CACTIN: variants seen among roughly 807,000 people sequenced by gnomAD.
CACTIN encodes splicing factor Cactin.
In CACTIN, 20 loss-of-function variants were observed where a neutral mutation model predicts 84.9. The ratio of observed to expected loss-of-function variants is 0.24; its 90% CI spans 0.17 to 0.34. The LOEUF (loss-of-function observed/expected upper bound fraction) is 0.34. Among genes scored for constraint, CACTIN ranks in the 10% least tolerant of loss-of-function variants. The pLI is 1.00. For missense variants in CACTIN, 897 were observed against 1,117.2 expected, an observed-to-expected ratio of 0.80 and a Z score of 2.81; for synonymous variants, 549 against 467.9, an observed-to-expected ratio of 1.17 and a Z score of -2.24.
At chr19:3,618,058 A>G (rs2033141821) in intron 6 of CACTIN, among the ~76,000 whole-genome samples, 1 of 151,998 alleles carries the variant, frequency 6.6e-6, no homozygotes, top group Admixed American at 6.6e-5. Context: ...AGGGCAGGGG[A>G]AGGACCGGGT....
rs1349222610 is a variant in CACTIN at position 3,610,712 on chromosome 19, A to G, written c.*1211T>C. The G allele has an allele frequency of 2.2e-6, 1 of 456,934 alleles. No individual in the cohort carries two copies. The highest frequency in any genetic ancestry group is 4.4e-6 in the Non-Finnish European group (1 of 227,038). 28.3% of individuals were successfully genotyped at this position (456,934 alleles called of 1,614,324 possible). A position where few individuals can be genotyped will look rare whatever the true frequency, so the allele number is the denominator to read the frequency against. ...GCCAATAGGCCAATTCCATGAGAAC[A>G]AAAGATTTTTTTTCCCACCTACAAG... is the stretch of plus-strand genomic sequence containing the variant. On this transcript the variant is annotated 3_prime_UTR_variant, in exon 10 of 10. Transcript: ENST00000429344.
In CACTIN at chr19:3,618,879, C is replaced by A. The variant is rs376221338; in HGVS notation, c.1158G>T (p.Gly386=). 6.4e-7 allele frequency: 1 copy of A among 1,551,116 alleles called. No individual in the cohort carries two copies. Among genetic ancestry groups the A allele is most frequent in the Non-Finnish European group, 8.7e-7 (1 of 1,146,912 alleles). The part of the protein sequence containing the change: ...KLRKLEASGK[G]PGERREGVNA... Reference sequence around the variant, plus strand: ...CAGGCCCATGCCCGCCGTTACCTGGCCCCTTGCCCGAGGCCTCCAGCTTGC... The same window carrying A: ...CAGGCCCATGCCCGCCGTTACCTGGACCCTTGCCCGAGGCCTCCAGCTTGC... The change falls in exon 6 of 10, where the codon GGG becomes GGT. Residue 386 remains glycine, a synonymous_variant. Coordinates refer to ENST00000429344, the MANE Select transcript of CACTIN (RefSeq NM_001080543.2).
Position 3,613,383 on chromosome 19 carries a change from TGGAG to T in CACTIN, c.1479-22_1479-19del. 6.5e-7 allele frequency: 1 copy of T among 1,529,776 alleles called. No homozygotes were observed. The highest frequency in any genetic ancestry group is 8.8e-7 in the Non-Finnish European group (1 of 1,142,096). 94.8% of individuals were successfully genotyped at this position (1,529,776 alleles called of 1,614,324 possible). A position where few individuals can be genotyped will look rare whatever the true frequency, so the allele number is the denominator to read the frequency against. On this transcript the variant is annotated intron_variant, in intron 8 of 9. Transcript: ENST00000429344. Reference sequence around the variant, plus strand: ...GCTCCAGGCTGGGAGGAGAGAGCGTTGGAGGCGCGGAGGCTGCCCACGGCCCCTC... The same window carrying T: ...GCTCCAGGCTGGGAGGAGAGAGCGTTGCGCGGAGGCTGCCCACGGCCCCTC...
At chr19:3,618,769 C>A (rs1377444320) in intron 6 of CACTIN, 106 bp downstream of exon 6, 3 of 919,126 alleles carry the variant, frequency 3.3e-6, no homozygotes, top group Non-Finnish European at 4.9e-6. Context: ...GTTGGGGAAA[C>A]CGAGGCCTGC....
intron 2 of CACTIN, chr19:3,621,134 G>C: frequency 4.6e-6 from 2 of 439,238 alleles, no homozygotes; most frequent in South Asian, 4.1e-5. Flanking sequence ...GAAGAGCCTT[G>C]CTCGGGGCCT....
chr19:3,618,256 C>T, intron 6 of CACTIN, among the ~76,000 whole-genome samples: 1 of 150,340 alleles, frequency 6.7e-6, no homozygotes, highest in Non-Finnish European at 1.5e-5. Context: ...CTGCGGTTGT[C>T]AGGACTAGGG....
intron 2 of CACTIN, among the ~76,000 whole-genome samples, chr19:3,622,244 A>G (rs2033238717): frequency 6.6e-6 from 1 of 151,554 alleles, no homozygotes; most frequent in African/African-American, 2.4e-5. Flanking sequence ...CCCGCCTGTA[A>G]TTCCAGCTAC....
Position 3,624,011 on chromosome 19 carries a change from G to A in CACTIN, c.319C>T (p.Arg107Cys), listed in dbSNP as rs777564935. The A allele has an allele frequency of 8.7e-6, 14 of 1,605,498 alleles. No individual in the cohort carries two copies. Among genetic ancestry groups the A allele is most frequent in the South Asian group, 1.1e-5 (1 of 91,024 alleles). Residue 107 changes from arginine to cysteine, a missense_variant, in exon 2 of 10, where the codon CGC becomes TGC. Around this residue, in one of 8 missense-constraint regions of CACTIN, gnomAD observed 261 missense variants for 243.8 expected, o/e 1.07. Coordinates refer to ENST00000429344, the MANE Select transcript of CACTIN (RefSeq NM_001080543.2). The part of the protein sequence containing the change: ...GQWARRRRRA[R>C]SWSPSSSASS... ...GCTGAGGAGCTAGGAGACCACGAGCGTGCGCGCCGTCGCCGGCGAGCCCAC... is the reference window on the plus strand; with the variant it reads ...GCTGAGGAGCTAGGAGACCACGAGCATGCGCGCCGTCGCCGGCGAGCCCAC...
chr19:3,620,022 G>A (rs1433266884), intron 4 of CACTIN, 105 bp downstream of exon 4: 71 of 1,362,170 alleles, frequency 5.2e-5, no homozygotes, highest in South Asian at 2.2e-4. Context: ...AGGAAGTGCC[G>A]TGTGGGACCC....
In CACTIN at chr19:3,613,188, G is replaced by T. The variant is rs746055523; in HGVS notation, c.1656C>A (p.Asp552Glu). The change falls in exon 9 of 10, where the codon GAC becomes GAA. Residue 552 changes from aspartate to glutamate, a missense_variant. Transcript: ENST00000429344. ...GGCTGTACCTGCCGGCGTCGTAGTC[G>T]TCCAGGCTCTGCTGGATCAGGTCCT... Reference protein sequence around the residue: ...MEEDLIQQSLDDYDAGRYSPR... With the variant: ...MEEDLIQQSLEDYDAGRYSPR... 1 of 1,611,452 alleles carries T rather than the reference G, an allele frequency of 6.2e-7. No homozygotes were observed. Among genetic ancestry groups the T allele is most frequent in the South Asian group, 1.1e-5 (1 of 91,066 alleles).
rs201504880 is a variant in CACTIN, at chr19:3,624,103, C to T, written c.227G>A (p.Arg76Gln). The T allele has an allele frequency of 5.9e-5, 94 of 1,589,800 alleles. No homozygotes were observed. Among genetic ancestry groups the T allele is most frequent in the Non-Finnish European group, 7.2e-5 (84 of 1,171,598 alleles). The change falls in exon 2 of 10, where the codon CGG becomes CAG. Residue 76 changes from arginine to glutamine, a missense_variant. Arg to Gln is a conservative substitution (Grantham distance 43, BLOSUM62 1). Transcript: ENST00000429344. ...CCCATCTCTTGAGTGCCACTTGGGC[C>T]GCGGGGGGCTCCGGCTTCGCATCCC... ...RSGMRSRSPPRPKWHSRDGSS... is the reference protein window; with the variant it reads ...RSGMRSRSPPQPKWHSRDGSS...
At position 3,610,893 on chromosome 19, in the gene CACTIN, G is replaced by C. The variant is rs760035627; in HGVS notation, c.*1030C>G. ...TGCTTCTGTTGGAGATGTTCCCGTC[G>C]GATGCTGAAGAACAAGCCTGCCGGC... On this transcript the variant is annotated 3_prime_UTR_variant, in exon 10 of 10. Coordinates refer to ENST00000429344, the MANE Select transcript of CACTIN (RefSeq NM_001080543.2). 1 of 456,762 alleles carries C rather than the reference G, an allele frequency of 2.2e-6. No homozygotes were observed. The highest frequency in any genetic ancestry group is 4.4e-6 in the Non-Finnish European group (1 of 226,990). 28.3% of individuals were successfully genotyped at this position (456,762 alleles called of 1,614,324 possible). A position where few individuals can be genotyped will look rare whatever the true frequency, so the allele number is the denominator to read the frequency against.
chr19:3,626,499 G>A, intron 1 of CACTIN, 97 bp downstream of exon 1: 1 of 1,200,092 alleles, frequency 8.3e-7, no homozygotes, highest in African/African-American at 1.6e-5. Flanking sequence ...CCCCGAGTAA[G>A]TCGGGGGTTT....
intron 6 of CACTIN, chr19:3,616,708 A>G (rs1328315130): frequency 6.6e-6 from 1 of 152,260 alleles, no homozygotes; most frequent in African/African-American, 2.4e-5. Context: ...TTAAAAAGAA[A>G]AAGCATGCAG....
Position 3,611,374 on chromosome 19 carries a change from C to T in CACTIN, c.*549G>A, listed in dbSNP as rs887115650. ...CCGGCCTCAGTGCTGCCTGTGCGGG[C>T]GAGGGTGGCCTGTGGGCAGGGCTGG... is the stretch of plus-strand genomic sequence containing the variant. On this transcript the variant is annotated 3_prime_UTR_variant, in exon 10 of 10. Transcript: ENST00000429344. The T allele has an allele frequency of 4.0e-5, 18 of 445,172 alleles. No individual in the cohort carries two copies. Among genetic ancestry groups the T allele is most frequent in the Admixed American group, 3.6e-4 (14 of 39,068 alleles). 27.6% of individuals were successfully genotyped at this position (445,172 alleles called of 1,614,324 possible).
chr19:3,626,020 C>G (rs1205738010), intron 1 of CACTIN, among the ~76,000 whole-genome samples: 1 of 152,198 alleles, frequency 6.6e-6, no homozygotes, highest in African/African-American at 2.4e-5. Flanking sequence ...CACAGCCCAC[C>G]TCCATTAGCA....
chr19:3,612,552 G>A (rs909749467), intron 9 of CACTIN, 139 bp from the exon 10 acceptor site: 2 of 1,282,194 alleles, frequency 1.6e-6, no homozygotes, highest in Non-Finnish European at 2.1e-6. Flanking sequence ...CACATGGGGA[G>A]GGGACAGGGC....
intron 2 of CACTIN, chr19:3,621,160 C>T (rs910132791): frequency 2.5e-6 from 1 of 398,508 alleles, no homozygotes; most frequent in Non-Finnish European, 4.8e-6. Flanking sequence ...CTCGCTTTAC[C>T]CGGGAGTCTG....
chr19:3,614,773 A>G, intron 6 of CACTIN, 184 bp from the exon 7 acceptor site: 3 of 614,684 alleles, frequency 4.9e-6, no homozygotes, highest in Non-Finnish European at 8.7e-6. Flanking sequence ...AGCGGAGGGG[A>G]GGGGGTGGGC....
Sources: gnomAD v4.1 joint callset for allele counts (sites outside exome capture counted in the v4.1 genomes callset) on GRCh38, gnomAD v4.1.1 for gene constraint, gnomAD v4.1.1 regional missense constraint, MANE v1.5 for transcripts, NCBI Gene and HGNC (gene_info 2026-07-23, HGNC 2026-07-21) for gene names.